Variants in TOX2 observed in about 807,000 individuals in gnomAD.
TOX2 encodes TOX high mobility group box family member 2, also known as granulosa cell HMG box 1.
In TOX2, 15 loss-of-function variants were observed where a neutral mutation model predicts 47.4. The observed-to-expected ratio is 0.32, with a 90% CI of 0.21 to 0.49. The LOEUF (loss-of-function observed/expected upper bound fraction) is 0.49. Ranked by LOEUF, TOX2 falls within the 20% of genes least tolerant of loss-of-function variation. The pLI, the probability that TOX2 is intolerant of heterozygous loss-of-function variation, is 0.99. For missense variants in TOX2, 622 were observed against 673.1 expected (o/e 0.92, Z 0.84); for synonymous variants, 290 against 296.6 (o/e 0.98, Z 0.23).
chr20:44,009,982 G>T (rs1224312963), intron 3 of TOX2, among the ~76,000 whole-genome samples: 3 of 152,154 alleles, frequency 2.0e-5, no homozygotes, highest in Non-Finnish European at 4.4e-5. Context: ...TCCTTGTCTT[G>T]GAATCATAAT....
chr20:44,016,157 A>C (rs2070874856), intron 3 of TOX2, among the ~76,000 whole-genome samples: 1 of 152,006 alleles, frequency 6.6e-6, no homozygotes, highest in African/African-American at 2.4e-5. Context: ...ATATTCACTG[A>C]GCACCTGCTC....
At chr20:44,022,665 G>A (rs1211249762) in intron 3 of TOX2, among the ~76,000 whole-genome samples, 2 of 152,186 alleles carry the variant, frequency 1.3e-5, no homozygotes, top group African/African-American at 2.4e-5. Flanking sequence ...TCCCTGCCCT[G>A]TGGCATGTTC....
intron 1 of TOX2, among the ~76,000 whole-genome samples, chr20:43,955,980 C>G (rs1426792909): frequency 6.6e-6 from 1 of 152,114 alleles, no homozygotes; most frequent in Admixed American, 6.6e-5. Flanking sequence ...TAAGGCCCTG[C>G]TTGCCTTTCT....
At chr20:44,013,946 A>G (rs1465154525) in intron 3 of TOX2, among the ~76,000 whole-genome samples, 2 of 152,042 alleles carry the variant, frequency 1.3e-5, no homozygotes, top group African/African-American at 4.8e-5. Flanking sequence ...CCTGGCCAAC[A>G]TAGTGAAACC....
At chr20:44,015,484 T>A (rs2070863879) in intron 3 of TOX2, among the ~76,000 whole-genome samples, 1 of 152,208 alleles carries the variant, frequency 6.6e-6, no homozygotes, top group Non-Finnish European at 1.5e-5. Flanking sequence ...CATTTATGTT[T>A]CCCATTTTCT....
At chr20:44,042,733 T>A (rs1338491529) in intron 3 of TOX2, among the ~76,000 whole-genome samples, 2 of 152,236 alleles carry the variant, frequency 1.3e-5, no homozygotes, top group East Asian at 3.8e-4. Flanking sequence ...ATTGTTGTCA[T>A]TATTATTTGG....
At chr20:43,936,654 G>A (rs1036992900) in intron 1 of TOX2, among the ~76,000 whole-genome samples, 4 of 152,164 alleles carry the variant, frequency 2.6e-5, no homozygotes, top group African/African-American at 7.2e-5. Context: ...AGGCTAGCTC[G>A]GGCATGTGCA....
intron 2 of TOX2, among the ~76,000 whole-genome samples, chr20:43,998,021 T>A (rs1476712895): frequency 2.0e-5 from 3 of 152,178 alleles, no homozygotes; most frequent in African/African-American, 7.2e-5. Flanking sequence ...TTTAATTGAT[T>A]CACAGTTCTG....
chr20:44,015,358 C>T (rs35608758), intron 3 of TOX2, among the ~76,000 whole-genome samples: 3,562 of 152,236 alleles, frequency 0.023, 51 homozygotes, highest in Non-Finnish European at 0.033. Flanking sequence ...TGCAGGGGAC[C>T]GCTCCGTTTT....
Position 43,915,059 on chromosome 20 carries a change from G to A in TOX2, c.99+69G>A. 4.1e-6 allele frequency: 4 copies of A among 981,218 alleles called. No homozygotes were observed. Among genetic ancestry groups the A allele is most frequent in the Non-Finnish European group, 3.8e-6 (3 of 784,336 alleles). The allele number at this position is 981,218 out of a possible 1,614,324, so 60.8% of individuals were successfully genotyped here. ...TCACCTGGCAGCTCGGGACTCAGGC[G>A]CTCCCGGGGTCACACGGGGCCGCGC... is the stretch of plus-strand genomic sequence containing the variant. On this transcript the variant is annotated intron_variant, in intron 1 of 8. Coordinates refer to ENST00000341197, the MANE Select transcript of TOX2 (RefSeq NM_001098797.2). The surrounding 1 kb of genome is among the most constrained non-coding windows in gnomAD (Gnocchi z 7.1).
chr20:44,047,356 TA>T (rs1432709018), intron 3 of TOX2, among the ~76,000 whole-genome samples: 1 of 152,132 alleles, frequency 6.6e-6, no homozygotes, highest in Non-Finnish European at 1.5e-5. Context: ...TTTCTGTTAC[TA>T]AAAAAGAAAA....
chr20:43,926,714 T>C (rs545854911), intron 1 of TOX2, among the ~76,000 whole-genome samples: 1 of 152,312 alleles, frequency 6.6e-6, no homozygotes, highest in South Asian at 2.1e-4. Context: ...TTCTTTCTCA[T>C]TGCAATTCCC....
chr20:44,016,848 A>G (rs1319035368), intron 3 of TOX2, among the ~76,000 whole-genome samples: 1 of 152,224 alleles, frequency 6.6e-6, no homozygotes, highest in Non-Finnish European at 1.5e-5. Context: ...TGCGTGCCTC[A>G]ACCATAAAAT....
At chr20:43,951,279 A>AG (rs1453005840) in intron 1 of TOX2, among the ~76,000 whole-genome samples, 1 of 152,148 alleles carries the variant, frequency 6.6e-6, no homozygotes, top group Non-Finnish European at 1.5e-5. Flanking sequence ...TTCTACCTTT[A>AG]AAATAGAGTA....
chr20:43,948,928 A>G (rs935061873), intron 1 of TOX2, among the ~76,000 whole-genome samples: 2 of 152,120 alleles, frequency 1.3e-5, no homozygotes, highest in Non-Finnish European at 2.9e-5. Context: ...GTGAGGCTTG[A>G]GGCAGCTCAC....
chr20:44,065,598 A>AAGAC, intron 6 of TOX2, 114 bp from the exon 7 acceptor site: 1 of 1,323,014 alleles, frequency 7.6e-7, no homozygotes, highest in Non-Finnish European at 1.0e-6. Flanking sequence ...GCTCTCTCCC[A>AAGAC]AGACAGCCAG....
chr20:44,013,427 G>A (rs906272786), intron 3 of TOX2, among the ~76,000 whole-genome samples: 1 of 152,204 alleles, frequency 6.6e-6, no homozygotes, highest in Middle Eastern at 3.2e-3. Context: ...ACCCTCCCAA[G>A]TTGCAGACAC....
In TOX2 at chr20:44,023,036, A is replaced by T. The variant is rs1474368109; in HGVS notation, c.411+16244A>T. 3.3e-5 allele frequency among the ~76,000 whole-genome samples: 5 copies of T among 151,406 alleles called. 1 individual carries two copies. Among genetic ancestry groups the T allele is most frequent in the African/African-American group, 1.2e-4 (5 of 41,154 alleles). On this transcript the variant is annotated intron_variant, in intron 3 of 8. Transcript: ENST00000341197. ...GAAGAGAAGGCCAGAGGAGGGGGGA[A>T]GCTTCAGACCATGATATAGGTCTGA...
chr20:43,935,927 C>CAAAAA (rs58300627), intron 1 of TOX2, among the ~76,000 whole-genome samples: 1 of 72,028 alleles, frequency 1.4e-5, no homozygotes, highest in Non-Finnish European at 2.7e-5. Context: ...AACTCCATCC[C>CAAAAA]AAAAAAAAAA....
Sources: allele counts gnomAD v4.1 joint callset (sites outside exome capture counted in the v4.1 genomes callset), GRCh38; gene constraint gnomAD v4.1.1; non-coding constraint Gnocchi (gnomAD v3.1); transcripts MANE v1.5; gene names NCBI Gene and HGNC (gene_info 2026-07-23, HGNC 2026-07-21).